Variants in ZBTB10 observed in about 807,000 individuals in gnomAD.
ZBTB10 encodes zinc finger and BTB domain containing 10, also known as zinc finger and BTB domain-containing protein 10.
Under a neutral mutation model 76.4 loss-of-function variants are expected in ZBTB10, and 32 were observed. That is an observed-to-expected ratio of 0.42 (90% CI 0.32 to 0.56). ZBTB10 has a LOEUF of 0.56. ZBTB10 is among the 20% of genes least tolerant of loss of function. The pLI is 0.14. For missense variants in ZBTB10, 1,057 were observed against 1,098.5 expected, an observed-to-expected ratio of 0.96 and a Z score of 0.53; for synonymous variants, 523 against 432.9, an observed-to-expected ratio of 1.21 and a Z score of -2.58.
At chr8:80,510,310 C>T (rs188576125) in intron 2 of ZBTB10, among the ~76,000 whole-genome samples, 2 of 152,274 alleles carry the variant, frequency 1.3e-5, no homozygotes, top group East Asian at 3.9e-4. Flanking sequence ...TGCTTATGTG[C>T]CAGGCCCTGA....
In ZBTB10 at chr8:80,495,240, A is replaced by G. The variant is rs114626408; in HGVS notation, c.973-4254A>G. The stretch of plus-strand genomic sequence containing the variant: ...TCGCCTTCCAAAGTGCTGAGATTAC[A>G]TGGCGCTCTTGTCAAAATGGATGGA... On this transcript the variant is annotated intron_variant, in intron 1 of 5. Transcript: ENST00000455036. Among the ~76,000 whole-genome samples, 846 of 151,676 alleles carry G rather than the reference A, an allele frequency of 5.6e-3. 11 individuals carry two copies. The highest frequency in any genetic ancestry group is 0.02 in the African/African-American group (807 of 41,374).
Position 80,519,589 on chromosome 8 carries a change from A to G in ZBTB10, c.*61A>G. ...GACCTAATATGAATCGACAATTTGG[A>G]TTGTTGAACTTGAAGGCTTGCAAAA... On this transcript the variant is annotated 3_prime_UTR_variant, in exon 6 of 6. Transcript: ENST00000455036. 2 of 1,487,696 alleles carry G rather than the reference A, an allele frequency of 1.3e-6. No homozygotes were observed. The highest frequency in any genetic ancestry group is 1.8e-6 in the Non-Finnish European group (2 of 1,107,694). The allele number at this position is 1,487,696 out of a possible 1,614,324, so 92.2% of individuals were successfully genotyped here.
intron 1 of ZBTB10, among the ~76,000 whole-genome samples, chr8:80,496,815 TC>T (rs1815794703): frequency 6.6e-6 from 1 of 152,348 alleles, no homozygotes; most frequent in Admixed American, 6.5e-5. Flanking sequence ...CACAAACAGT[TC>T]ATAGATATAT....
intron 2 of ZBTB10, among the ~76,000 whole-genome samples, chr8:80,509,413 G>C (rs778543178): frequency 1.3e-4 from 20 of 152,032 alleles, no homozygotes; most frequent in Non-Finnish European, 2.1e-4. Flanking sequence ...AGAAAATCTG[G>C]ATTAGTCTGC....
At chr8:80,498,908 A>G (rs1427621565) in intron 1 of ZBTB10, among the ~76,000 whole-genome samples, 1 of 152,252 alleles carries the variant, frequency 6.6e-6, no homozygotes, top group Non-Finnish European at 1.5e-5. Flanking sequence ...GAAATTATAT[A>G]ACTAGATATT....
At chr8:80,495,522 T>C (rs1815760481) in intron 1 of ZBTB10, among the ~76,000 whole-genome samples, 2 of 151,912 alleles carry the variant, frequency 1.3e-5, no homozygotes, top group African/African-American at 2.4e-5. Context: ...CGAAAAAGCA[T>C]CCCCACACTT....
chr8:80,500,360 A>T lies in ZBTB10; in HGVS notation c.1839A>T (p.Thr613=). Reference sequence around the variant, plus strand: ...CTGTTGCCTATCCAGAAGAAAATACACTACTCATCAAGGAAGAACCAGGTA... The same window carrying T: ...CTGTTGCCTATCCAGAAGAAAATACTCTACTCATCAAGGAAGAACCAGGTA... ...QPPVAYPEEN[T]LLIKEEPDLD... Residue 613 remains threonine, a synonymous_variant, in exon 2 of 6, where the codon ACA becomes ACT. Coordinates refer to ENST00000455036, the MANE Select transcript of ZBTB10 (RefSeq NM_001105539.3). 6.4e-7 allele frequency: 1 copy of T among 1,572,824 alleles called. No homozygotes were observed. Among genetic ancestry groups the T allele is most frequent in the Non-Finnish European group, 8.6e-7 (1 of 1,160,526 alleles).
Position 80,521,730 on chromosome 8 carries a change from T to G in ZBTB10, c.*2202T>G, listed in dbSNP as rs1213724546. On this transcript the variant is annotated 3_prime_UTR_variant, in exon 6 of 6. Transcript: ENST00000455036. ...GTATATCTGGTAAATTATGACCAAA[T>G]TTTTGTTAGATTGCATACAGTAAAT... 2.0e-5 allele frequency: 3 copies of G among 151,866 alleles called. No individual in the cohort carries two copies. Among genetic ancestry groups the G allele is most frequent in the Non-Finnish European group, 4.4e-5 (3 of 67,800 alleles). The allele number at this position is 151,866 out of a possible 1,614,324, so 9.4% of individuals were successfully genotyped here.
At chr8:80,514,318 G>T (rs1816274784) in intron 3 of ZBTB10, among the ~76,000 whole-genome samples, 1 of 152,164 alleles carries the variant, frequency 6.6e-6, no homozygotes, top group Non-Finnish European at 1.5e-5. Flanking sequence ...TACGATAATG[G>T]TTGAATTTAT....
chr8:80,498,390 A>G (rs1354309854), intron 1 of ZBTB10, among the ~76,000 whole-genome samples: 1 of 152,240 alleles, frequency 6.6e-6, no homozygotes, highest in Non-Finnish European at 1.5e-5. Flanking sequence ...ATTTTGTGCC[A>G]AAGAATTGAC....
chr8:80,491,243 C>A (rs1187460362), intron 1 of ZBTB10, among the ~76,000 whole-genome samples: 2 of 152,140 alleles, frequency 1.3e-5, no homozygotes, highest in East Asian at 3.8e-4. Flanking sequence ...TACACAAATA[C>A]TATTGTGTTA....
At chr8:80,513,261 G>T (rs924859149) in intron 2 of ZBTB10, among the ~76,000 whole-genome samples, 1 of 152,064 alleles carries the variant, frequency 6.6e-6, no homozygotes, top group Non-Finnish European at 1.5e-5. Context: ...TCCCACCTCA[G>T]CCTCCCAAGT....
chr8:80,493,207 G>GCACACACA (rs369440030), intron 1 of ZBTB10, among the ~76,000 whole-genome samples: 6,557 of 125,148 alleles, frequency 0.052, 200 homozygotes, highest in Admixed American at 0.083. Context: ...GCGCGCGCGC[G>GCACACACA]CACACACACA....
rs534896787 is a variant in ZBTB10, at chr8:80,522,353, A to G, written c.*2825A>G. On this transcript the variant is annotated 3_prime_UTR_variant, in exon 6 of 6. Transcript: ENST00000455036. ...TCTCTTGTAATTTATATTTTAAATG[A>G]AAAAGTATTTTAGAGCTTTTAATGA... is the stretch of plus-strand genomic sequence containing the variant. The G allele has an allele frequency of 1.3e-5, 2 of 152,044 alleles. No homozygotes were observed. Among genetic ancestry groups the G allele is most frequent in the South Asian group, 4.1e-4 (2 of 4,826 alleles). 9.4% of individuals were successfully genotyped at this position (152,044 alleles called of 1,614,324 possible).
In ZBTB10 at chr8:80,519,202, AT is replaced by A. The variant is rs747200518; in HGVS notation, c.2311-15del. 2.7e-5 allele frequency: 44 copies of A among 1,605,438 alleles called. No homozygotes were observed. Among genetic ancestry groups the A allele is most frequent in the East Asian group, 8.9e-5 (4 of 44,770 alleles). ...ATTATATATAATATCCTTATATTGG[AT>A]TTTTTCCCCCTCCAATTAGGTGCAT... On this transcript the variant is annotated intron_variant, in intron 5 of 5. Transcript: ENST00000455036.
chr8:80,505,457 C>T (rs72688080), intron 2 of ZBTB10, among the ~76,000 whole-genome samples: 8,368 of 151,970 alleles, frequency 0.055, 312 homozygotes, highest in South Asian at 0.13. Flanking sequence ...TTATGCCATA[C>T]GAATACTCAA....
At chr8:80,493,665 A>C (rs370309291) in intron 1 of ZBTB10, among the ~76,000 whole-genome samples, 1 of 145,626 alleles carries the variant, frequency 6.9e-6, no homozygotes, top group Non-Finnish European at 1.5e-5. Context: ...TTAAAAACAA[A>C]ACAAAAAAAA....
At chr8:80,519,121 G>C in intron 5 of ZBTB10, 102 bp from the exon 6 acceptor site, 2 of 1,408,738 alleles carry the variant, frequency 1.4e-6, no homozygotes, top group Non-Finnish European at 1.9e-6. Flanking sequence ...AGAGAAACTG[G>C]TGTATTCACT....
chr8:80,499,115 T>A (rs1260591085), intron 1 of ZBTB10, among the ~76,000 whole-genome samples: 1 of 152,200 alleles, frequency 6.6e-6, no homozygotes, highest in African/African-American at 2.4e-5. Context: ...GGGGAGACTG[T>A]TGCTTTTCTA....
Sources: allele counts gnomAD v4.1 joint callset (sites outside exome capture counted in the v4.1 genomes callset), GRCh38; gene constraint gnomAD v4.1.1; transcripts MANE v1.5; gene names NCBI Gene and HGNC (gene_info 2026-07-23, HGNC 2026-07-21).